The following CDK5RAP2 variants were observed in gnomAD, a reference collection of about 807,000 sequenced individuals.
CDK5RAP2 encodes CDK5 regulatory subunit associated protein 2, also known as CDK5 regulatory subunit-associated protein 2.
A neutral mutation model predicts 232.9 loss-of-function variants in CDK5RAP2; 147 were observed. The observed-to-expected ratio is 0.63, with a 90% confidence interval of 0.55 to 0.72. The LOEUF is 0.72. Ranked by LOEUF, CDK5RAP2 falls within the 30% of genes least tolerant of loss-of-function variation. The probability of loss-of-function intolerance (pLI) is 0.00; values close to 1 mark genes in which losing one functional copy is unlikely to be tolerated. For synonymous variants in CDK5RAP2, 833 were observed against 833.7 expected, an observed-to-expected ratio of 1.00 and a Z score of 0.01; for missense variants, 2,195 against 2,231.5, an observed-to-expected ratio of 0.98 and a Z score of 0.33.
chr9:120,398,737 T>C (rs2032736114), intron 35 of CDK5RAP2, among the ~76,000 whole-genome samples: 1 of 152,216 alleles, frequency 6.6e-6, no homozygotes, highest in Non-Finnish European at 1.5e-5. Context: ...AAAAAAATTA[T>C]TATAAACAAG....
At chr9:120,429,205 G>C (rs1264678265) in intron 25 of CDK5RAP2, among the ~76,000 whole-genome samples, 2 of 150,010 alleles carry the variant, frequency 1.3e-5, no homozygotes, top group African/African-American at 4.9e-5. Context: ...GCACAAGACA[G>C]GGATGCCCTC....
At chr9:120,415,223 A>C in intron 27 of CDK5RAP2, 64 bp from the exon 28 acceptor site, 1 of 1,570,162 alleles carries the variant, frequency 6.4e-7, no homozygotes, top group Non-Finnish European at 8.7e-7. Context: ...TAATTTATGG[A>C]TTATGCAGGG....
rs752717425 is a variant in CDK5RAP2 at position 120,389,763 on chromosome 9, C to T, written c.5603G>A (p.Arg1868Gln). 4 of 1,613,982 alleles carry T rather than the reference C, an allele frequency of 2.5e-6. No individual in the cohort carries two copies. Among genetic ancestry groups the T allele is most frequent in the South Asian group, 1.1e-5 (1 of 91,084 alleles). ...TACCTCCAGGTTTCCTCTGGCCTTC[C>T]GAAGGATTTTGTGGGTTACGACCAC... ...DQLVVTHKILRKARGNLELRP... is the reference protein window; with the variant it reads ...DQLVVTHKILQKARGNLELRP... Residue 1868 changes from arginine (R) to glutamine (Q), a missense_variant, in exon 37 of 38, where the codon CGG (arginine) becomes CAG (glutamine). By Grantham distance (43) the Arg-to-Gln change is conservative. Coordinates refer to ENST00000349780, the MANE Select transcript of CDK5RAP2 (RefSeq NM_018249.6).
In CDK5RAP2 at chr9:120,467,897, C is replaced by G. The variant is rs1339656517; in HGVS notation, c.2069G>C (p.Gly690Ala). Residue 690 changes from glycine to alanine, a missense_variant, in exon 18 of 38, where the codon GGG becomes GCG. Coordinates refer to ENST00000349780, the MANE Select transcript of CDK5RAP2 (RefSeq NM_018249.6). ...TGTAGACGCAAGTCTATCTGGAAAC[C>G]CATTTCCCTGGAAACCCATGCAGGA... Reference protein sequence around the residue: ...DLSCMGFQGNGFPDRLASTEQ... With the variant: ...DLSCMGFQGNAFPDRLASTEQ... 6.2e-7 allele frequency: 1 copy of G among 1,614,158 alleles called. No homozygotes were observed. The highest frequency in any genetic ancestry group is 1.7e-5 in the Admixed American group (1 of 60,028).
intron 31 of CDK5RAP2, 82 bp from the exon 32 acceptor site, chr9:120,407,330 A>T (rs1217235382): frequency 1.4e-5 from 14 of 978,658 alleles, no homozygotes; most frequent in Non-Finnish European, 2.1e-5. Context: ...CGCATTTTAC[A>T]CTCACCACCA....
At chr9:120,498,603 G>A (rs1028837880) in intron 12 of CDK5RAP2, among the ~76,000 whole-genome samples, 2 of 152,068 alleles carry the variant, frequency 1.3e-5, no homozygotes, top group African/African-American at 2.4e-5. Context: ...CCTGATACTG[G>A]TAAGTATGCC....
rs181053908 is a variant in CDK5RAP2 at position 120,404,639 on chromosome 9, T to G, written c.4964-526A>C. 2.5e-4 allele frequency among the ~76,000 whole-genome samples: 38 copies of G among 152,196 alleles called. No homozygotes were observed. In the East Asian group the frequency reaches 7.0e-3, roughly 28 times the overall value. On this transcript the variant is annotated intron_variant, in intron 32 of 37. Transcript: ENST00000349780. The stretch of plus-strand genomic sequence containing the variant: ...GGGTGCAGGGAAGGACAAAGTAGAA[T>G]GCAAGGCCAGAACCAAGAGGACTGA...
intron 18 of CDK5RAP2, 81 bp from the exon 19 acceptor site, chr9:120,460,748 CT>C (rs552805136): frequency 0.11 from 109,017 of 952,534 alleles, 19 homozygotes; most frequent in South Asian, 0.16. Flanking sequence ...TCAGTGATGT[CT>C]TTTTTTTTTT....
chr9:120,579,800 C>A, intron 1 of CDK5RAP2, 120 bp downstream of exon 1: 2 of 797,584 alleles, frequency 2.5e-6, no homozygotes, highest in South Asian at 3.0e-5. Flanking sequence ...AAGGAACCCA[C>A]CCCACACACT....
rs771258447 is a variant in CDK5RAP2, at chr9:120,400,726, ATG to A, written c.5451+14_5451+15del. ...AGTGGCATCCTTGAGCCTCTGAAACATGTGTCACCACCTACCTGCTCACAGTG... is the reference window on the plus strand; with the variant it reads ...AGTGGCATCCTTGAGCCTCTGAAACATGTCACCACCTACCTGCTCACAGTG... On this transcript the variant is annotated intron_variant, in intron 35 of 37. Transcript: ENST00000349780. The A allele has an allele frequency of 2.5e-6, 4 of 1,612,810 alleles. No homozygotes were observed. The highest frequency in any genetic ancestry group is 2.5e-6 in the Non-Finnish European group (3 of 1,179,970).
chr9:120,399,213 T>C (rs776245389), intron 35 of CDK5RAP2, among the ~76,000 whole-genome samples: 1 of 152,218 alleles, frequency 6.6e-6, no homozygotes, highest in Non-Finnish European at 1.5e-5. Flanking sequence ...TGTGTGTATA[T>C]ATATTTTATA....
intron 7 of CDK5RAP2, among the ~76,000 whole-genome samples, chr9:120,533,987 T>C (rs2041276344): frequency 6.6e-6 from 1 of 152,008 alleles, no homozygotes; most frequent in African/African-American, 2.4e-5. Flanking sequence ...CTTTCCTGGA[T>C]TTCTGCATCA....
chr9:120,579,093 T>A (rs995726501), intron 1 of CDK5RAP2, among the ~76,000 whole-genome samples: 1 of 152,192 alleles, frequency 6.6e-6, no homozygotes, highest in Non-Finnish European at 1.5e-5. Flanking sequence ...TAGGCCTTCC[T>A]ACCAGACCCC....
intron 20 of CDK5RAP2, 112 bp from the exon 21 acceptor site, chr9:120,453,985 C>A: frequency 9.1e-7 from 1 of 1,098,792 alleles, no homozygotes; most frequent in South Asian, 1.3e-5. Context: ...TCCATCAAAA[C>A]TAAATACAGT....
At chr9:120,530,822 A>C (rs1408403182) in intron 7 of CDK5RAP2, among the ~76,000 whole-genome samples, 1 of 135,150 alleles carries the variant, frequency 7.4e-6, no homozygotes, top group Non-Finnish European at 1.5e-5. Flanking sequence ...ACACTTGGAC[A>C]CAGGAAGGGG....
intron 15 of CDK5RAP2, 132 bp downstream of exon 15, chr9:120,477,218 A>C: frequency 1.3e-6 from 1 of 756,034 alleles, no homozygotes; most frequent in South Asian, 1.4e-5. Flanking sequence ...AAGCTTTATA[A>C]GCTCCATAAG....
intron 3 of CDK5RAP2, among the ~76,000 whole-genome samples, chr9:120,565,890 G>C (rs915258257): frequency 6.6e-6 from 1 of 152,150 alleles, no homozygotes; most frequent in Non-Finnish European, 1.5e-5. Context: ...TCTGGACAGG[G>C]GGACTTACCT....
At chr9:120,564,924 G>T (rs1357492629) in intron 3 of CDK5RAP2, among the ~76,000 whole-genome samples, 1 of 152,176 alleles carries the variant, frequency 6.6e-6, no homozygotes, top group Non-Finnish European at 1.5e-5. Flanking sequence ...GCCTCCTCTG[G>T]TCTAGGGAGG....
intron 25 of CDK5RAP2, among the ~76,000 whole-genome samples, chr9:120,429,615 C>T (rs1305100530): frequency 1.3e-5 from 2 of 152,084 alleles, no homozygotes; most frequent in Non-Finnish European, 2.9e-5. Flanking sequence ...AAAGAGGATA[C>T]AAACAAATGG....
Sources: gnomAD v4.1 joint callset for allele counts (sites outside exome capture counted in the v4.1 genomes callset) on GRCh38, gnomAD v4.1.1 for gene constraint, MANE v1.5 for transcripts, NCBI Gene and HGNC (gene_info 2026-07-23, HGNC 2026-07-21) for gene names.